CACNG7: variants seen among roughly 807,000 people sequenced by gnomAD.
The protein encoded by CACNG7 is calcium voltage-gated channel auxiliary subunit gamma 7.
CACNG7 carries 9 observed loss-of-function variants against 26.3 expected under a neutral mutation model. The observed-to-expected ratio is 0.34, with a 90% CI of 0.21 to 0.60. The LOEUF is 0.60. CACNG7 is among the 20% of genes least tolerant of loss of function. The pLI, the probability that CACNG7 is intolerant of heterozygous loss-of-function variation, is 0.81. For missense variants in CACNG7, 297 were observed against 380.4 expected (o/e 0.78, Z 1.82); for synonymous variants, 170 against 157.0 (o/e 1.08, Z -0.62).
At chr19:53,938,042 G>A (rs1374511511) in intron 4 of CACNG7, among the ~76,000 whole-genome samples, 1 of 152,072 alleles carries the variant, frequency 6.6e-6, no homozygotes, top group East Asian at 1.9e-4. Context: ...GTTCAAGGAA[G>A]AGCAAGAAAG....
rs2069125478 is a variant in CACNG7, at chr19:53,939,600, C to G, written c.425-1870C>G. Among the ~76,000 whole-genome samples, 1 of 152,204 alleles carries G rather than the reference C, an allele frequency of 6.6e-6. No homozygotes were observed. The highest frequency in any genetic ancestry group is 6.5e-5 in the Admixed American group (1 of 15,280). ...GGTTCATCCCTATGGTAGCATGAAT[C>G]AGTATATCGTTCCCTTTTTTGGCTG... On this transcript the variant is annotated intron_variant, in intron 4 of 5. Coordinates refer to ENST00000391767, the MANE Select transcript of CACNG7 (RefSeq NM_031896.5). This position sits in a 1 kb window ranked among gnomAD's most constrained non-coding sequence, Gnocchi z 4.2.
In CACNG7 at chr19:53,915,517, G is replaced by T; in HGVS notation, c.424+12G>T. On this transcript the variant is annotated intron_variant, in intron 4 of 5. Transcript: ENST00000391767. ...CTTCATACTATCGGGTGAGCCTAAG[G>T]ACTTGGGGGTTGGGGGGGACCATTT... 1 of 1,613,798 alleles carries T rather than the reference G, an allele frequency of 6.2e-7. No individual in the cohort carries two copies. Among genetic ancestry groups the T allele is most frequent in the Non-Finnish European group, 8.5e-7 (1 of 1,179,796 alleles).
rs1458161021 is a variant in CACNG7 at position 53,922,297 on chromosome 19, T to C, written c.424+6792T>C. ...TGGTGCAGTTGCCCCAGGTCTGGTA[T>C]TGGTGGAGTTGTCCCCAGGTCTGGT... is the stretch of plus-strand genomic sequence containing the variant. On this transcript the variant is annotated intron_variant, in intron 4 of 5. Transcript: ENST00000391767. Among the ~76,000 whole-genome samples, 2 of 92,212 alleles carry C rather than the reference T, an allele frequency of 2.2e-5. 1 individual carries two copies. Among genetic ancestry groups the C allele is most frequent in the Non-Finnish European group, 4.2e-5 (2 of 48,142 alleles). 60.5% of individuals were successfully genotyped at this position (92,212 alleles called of 152,430 possible).
intron 4 of CACNG7, among the ~76,000 whole-genome samples, chr19:53,925,063 TC>T (rs67813703): frequency 2.9e-4 from 26 of 90,236 alleles, no homozygotes; most frequent in Middle Eastern, 8.8e-3. Flanking sequence ...CCAGGTCTGG[TC>T]ATTGGTGGAG....
At position 53,909,381 on chromosome 19, in the gene CACNG7, G is replaced by A. The variant is rs1197310615; in HGVS notation, c.-166G>A. Reference sequence around the variant, plus strand: ...TGGGAGGCCGGGAGGGGGCCGGGACGCCGGGCTCCGGGGCGGGGGCGGGGG... The same window carrying A: ...TGGGAGGCCGGGAGGGGGCCGGGACACCGGGCTCCGGGGCGGGGGCGGGGG... On this transcript the variant is annotated 5_prime_UTR_variant, in exon 1 of 6. Coordinates refer to ENST00000391767, the MANE Select transcript of CACNG7 (RefSeq NM_031896.5). This position sits in a 1 kb window ranked among gnomAD's most constrained non-coding sequence, Gnocchi z 5.1. 6.7e-6 allele frequency: 1 copy of A among 148,368 alleles called. No individual in the cohort carries two copies. The highest frequency in any genetic ancestry group is 6.7e-5 in the Admixed American group (1 of 14,926). The allele number at this position is 148,368 out of a possible 1,614,324, so 9.2% of individuals were successfully genotyped here.
chr19:53,942,004 G>T lies in CACNG7; in HGVS notation c.571-32G>T, dbSNP rs1277118178. The T allele has an allele frequency of 1.3e-6, 2 of 1,546,038 alleles. No individual in the cohort carries two copies. The highest frequency in any genetic ancestry group is 3.7e-5 in the Admixed American group (2 of 53,466). ...GGGGTCCGGGGATGCGCAGGGGGGC[G>T]CCCCTGGGACTCTGACCTTGCCTTG... On this transcript the variant is annotated intron_variant, in intron 5 of 5. Coordinates refer to ENST00000391767, the MANE Select transcript of CACNG7 (RefSeq NM_031896.5). The surrounding 1 kb of genome is among the most constrained non-coding windows in gnomAD (Gnocchi z 5.9).
chr19:53,911,275 A>C (rs765927714), intron 1 of CACNG7, among the ~76,000 whole-genome samples: 29 of 152,024 alleles, frequency 1.9e-4, no homozygotes, highest in Non-Finnish European at 3.5e-4. Context: ...CATGTTGGCC[A>C]GGCTGGTCTC....
At chr19:53,923,320 A>G (rs1254478758) in intron 4 of CACNG7, among the ~76,000 whole-genome samples, 1 of 115,642 alleles carries the variant, frequency 8.6e-6, no homozygotes, top group African/African-American at 3.7e-5. Flanking sequence ...CAGGCTGGTC[A>G]TTGGTGGAGT....
chr19:53,924,861 GACTTGCCCCAGGCTGGTCATTGGTGT>G (rs2069011281), intron 4 of CACNG7, among the ~76,000 whole-genome samples: 2 of 146,594 alleles, frequency 1.4e-5, no homozygotes, highest in Non-Finnish European at 3.0e-5. Context: ...GTCATTGGTG[GACTTGCCCCAGGCTGGTCATTGGTGT>G]ACTTGCCCCA....
At chr19:53,916,911 T>C (rs1426214065) in intron 4 of CACNG7, among the ~76,000 whole-genome samples, 1 of 151,796 alleles carries the variant, frequency 6.6e-6, no homozygotes, top group Non-Finnish European at 1.5e-5. Context: ...GATTCTCCTG[T>C]CTCACCTTCC....
At chr19:53,913,785 TAAAAAA>T (rs58238779) in intron 2 of CACNG7, among the ~76,000 whole-genome samples, 2 of 94,018 alleles carry the variant, frequency 2.1e-5, no homozygotes, top group East Asian at 6.0e-4. Context: ...CCCAGTCTCT[TAAAAAA>T]AAAAAAAAAA....
chr19:53,922,738 A>AGTTGTCCCAGGTCTGGTCATTGGTGGG (rs1568775615), intron 4 of CACNG7, among the ~76,000 whole-genome samples: 1 of 57,190 alleles, frequency 1.7e-5, no homozygotes, highest in Non-Finnish European at 2.9e-5. Flanking sequence ...TCATTGGTGG[A>AGTTGTCCCAGGTCTGGTCATTGGTGGG]GTTGTCCCAG....
Position 53,921,451 on chromosome 19 carries a change from G to A in CACNG7, c.424+5946G>A, listed in dbSNP as rs533997760. On this transcript the variant is annotated intron_variant, in intron 4 of 5. Transcript: ENST00000391767. ...GCTGGTCATTGGTGGAGTTGCCCCA[G>A]GTCTGGTATTGCTGGAGTTGTCCCC... 4.6e-5 allele frequency among the ~76,000 whole-genome samples: 7 copies of A among 151,178 alleles called. No individual in the cohort carries two copies. In the East Asian group the frequency reaches 1.2e-3, roughly 25 times the overall value.
chr19:53,919,665 C>A (rs550774530), intron 4 of CACNG7, among the ~76,000 whole-genome samples: 1 of 142,326 alleles, frequency 7.0e-6, no homozygotes, highest in Non-Finnish European at 1.5e-5. Flanking sequence ...GGAGTTGTCC[C>A]CAGGCCTGGT....
rs1427134532 is a variant in CACNG7, at chr19:53,923,475, GT to G, written c.424+7971del. Among the ~76,000 whole-genome samples the G allele has an allele frequency of 5.2e-3, 681 of 130,458 alleles. 10 individuals are homozygous for G. Among genetic ancestry groups the G allele is most frequent in the Non-Finnish European group, 8.8e-3 (535 of 60,462 alleles). 85.6% of individuals were successfully genotyped at this position (130,458 alleles called of 152,430 possible). The stretch of plus-strand genomic sequence containing the variant: ...CTGGTCATTGGTGGAGTTGTCCCAG[GT>G]CTGGTCATTGGTGGAGTTGTCCCAG... On this transcript the variant is annotated intron_variant, in intron 4 of 5. Coordinates refer to ENST00000391767, the MANE Select transcript of CACNG7 (RefSeq NM_031896.5).
chr19:53,915,535 G>A lies in CACNG7; in HGVS notation c.424+30G>A, dbSNP rs752951314. On this transcript the variant is annotated intron_variant, in intron 4 of 5. Transcript: ENST00000391767. ...GCCTAAGGACTTGGGGGTTGGGGGG[G>A]ACCATTTCCAGTTCCAGGGACCTGT... is the stretch of plus-strand genomic sequence containing the variant. The A allele has an allele frequency of 3.1e-6, 5 of 1,611,248 alleles. No homozygotes were observed. The East Asian group carries it at 6.7e-5, about 22-fold the overall frequency.
chr19:53,924,530 C>CCAGGCCTGGTTATTGGTGGAGTTGTCCG (rs2069005299), intron 4 of CACNG7, among the ~76,000 whole-genome samples: 1 of 144,760 alleles, frequency 6.9e-6, no homozygotes, highest in South Asian at 2.2e-4. Context: ...GGAGTTGCCC[C>CCAGGCCTGGTTATTGGTGGAGTTGTCCG]AGGTCTGGTA....
At chr19:53,941,698 G>A in intron 5 of CACNG7, 83 bp downstream of exon 5, 1 of 1,494,586 alleles carries the variant, frequency 6.7e-7, no homozygotes, top group Non-Finnish European at 9.1e-7. Flanking sequence ...GGAGGAAGGA[G>A]AGGCTGGAGA....
At chr19:53,931,907 G>GCCC (rs2069075473) in intron 4 of CACNG7, among the ~76,000 whole-genome samples, 1 of 149,950 alleles carries the variant, frequency 6.7e-6, no homozygotes, top group Non-Finnish European at 1.5e-5. Flanking sequence ...GACTACAGGC[G>GCCC]GCCACCACCA....
Sources: gnomAD v4.1 joint callset for allele counts (sites outside exome capture counted in the v4.1 genomes callset) on GRCh38, gnomAD v4.1.1 for gene constraint, Gnocchi (gnomAD v3.1) non-coding constraint, MANE v1.5 for transcripts, NCBI Gene and HGNC (gene_info 2026-07-23, HGNC 2026-07-21) for gene names.